DCAF8L2: variants seen among roughly 807,000 people sequenced by gnomAD.
The protein encoded by DCAF8L2 is DDB1- and CUL4-associated factor 8-like protein 2.
For synonymous variants in DCAF8L2, 200 were observed against 190.9 expected (o/e 1.05, Z -0.39); for missense variants, 430 against 490.7 (o/e 0.88, Z 1.17).
Position 27,644,725 on chromosome X carries a change from T to C in DCAF8L2, c.-220+12725T>C, listed in dbSNP as rs1170774417. ...TACAAAGAGGAACTGGTCCAAACAATTGAAAAGGAGGGACTCATCCCTAAC... is the reference window on the plus strand; with the variant it reads ...TACAAAGAGGAACTGGTCCAAACAACTGAAAAGGAGGGACTCATCCCTAAC... On this transcript the variant is annotated intron_variant, in intron 2 of 4. Coordinates refer to ENST00000451261, the MANE Select transcript of DCAF8L2 (RefSeq NM_001353450.2). Among the ~76,000 whole-genome samples the C allele has an allele frequency of 3.6e-5, 4 of 111,811 alleles. No individual in the cohort carries two copies. The South Asian group carries it at 1.5e-3, about 42-fold the overall frequency.
the DCAF8L2 span, among the ~76,000 whole-genome samples, chrX:27,557,356 T>C: frequency 1.8e-5 from 2 of 112,125 alleles, no homozygotes; most frequent in Non-Finnish European, 3.8e-5. Flanking sequence ...ATATGTTAAT[T>C]ATTTAAATTT....
chrX:27,652,839 G>T (rs1929202836), intron 2 of DCAF8L2, among the ~76,000 whole-genome samples: 1 of 111,776 alleles, frequency 8.9e-6, no homozygotes, highest in Admixed American at 9.5e-5. Flanking sequence ...GGAATTCCTG[G>T]TTAAAATACA....
rs775815150 is a variant in DCAF8L2 at position 27,747,927 on chromosome X, C to T, written c.1032C>T (p.Phe344=). ...FLTSGEDAVV[F]TIDLRQDRPA... ...CTTCAGGTGAAGATGCTGTTGTCTT[C>T]ACCATTGACCTCAGACAAGACCGGC... is the stretch of plus-strand genomic sequence containing the variant. The change falls in exon 5 of 5, where the codon TTC becomes TTT. Residue 344 remains phenylalanine, a synonymous_variant. Transcript: ENST00000451261. The T allele has an allele frequency of 7.2e-5, 87 of 1,210,129 alleles. No homozygotes were observed. The highest frequency in any genetic ancestry group is 9.3e-5 in the Non-Finnish European group (83 of 895,199).
chrX:27,624,788 A>G lies in DCAF8L2; in HGVS notation c.-341-7091A>G, dbSNP rs193131346. Among the ~76,000 whole-genome samples, 4 of 111,958 alleles carry G rather than the reference A, an allele frequency of 3.6e-5. No individual in the cohort carries two copies. The Admixed American group carries it at 3.8e-4, about 11-fold the overall frequency. Reference sequence around the variant, plus strand: ...CCTACTCAGTAAATGGTGTTGGGATAACTGGCTAGTTATATGCAGAAAATT... The same window carrying G: ...CCTACTCAGTAAATGGTGTTGGGATGACTGGCTAGTTATATGCAGAAAATT... On this transcript the variant is annotated intron_variant, in intron 1 of 4. Coordinates refer to ENST00000451261, the MANE Select transcript of DCAF8L2 (RefSeq NM_001353450.2).
the DCAF8L2 span, among the ~76,000 whole-genome samples, chrX:27,554,384 T>C: frequency 0.094 from 10,563 of 111,781 alleles, 395 homozygotes; most frequent in Non-Finnish European, 0.12. Flanking sequence ...TTTCCAACCC[T>C]GGCACATTTG....
At chrX:27,648,052 C>T (rs559189630) in intron 2 of DCAF8L2, among the ~76,000 whole-genome samples, 1 of 111,011 alleles carries the variant, frequency 9.0e-6, no homozygotes, top group Middle Eastern at 4.7e-3. Context: ...AAAAAGAATT[C>T]ACAGGCTGAC....
Position 27,747,403 on chromosome X carries a change from G to C in DCAF8L2, c.508G>C (p.Ala170Pro). The C allele has an allele frequency of 8.5e-7, 1 of 1,169,794 alleles. No homozygotes were observed. Among genetic ancestry groups the C allele is most frequent in the Non-Finnish European group, 1.1e-6 (1 of 874,303 alleles). Residue 170 changes from alanine to proline, a missense_variant, in exon 5 of 5, where the codon GCG (alanine) becomes CCG (proline). Coordinates refer to ENST00000451261, the MANE Select transcript of DCAF8L2 (RefSeq NM_001353450.2). Reference sequence around the variant, plus strand: ...GCAGTATTCGTTAGAGGAGGATCAGGCGCTGGAGGAGTGGGTTTCCTCAGA... The same window carrying C: ...GCAGTATTCGTTAGAGGAGGATCAGCCGCTGGAGGAGTGGGTTTCCTCAGA... ...HEQYSLEEDQ[A>P]LEEWVSSETS...
intron 3 of DCAF8L2, among the ~76,000 whole-genome samples, chrX:27,708,001 A>G (rs1931397063): frequency 9.0e-6 from 1 of 111,325 alleles, no homozygotes; most frequent in South Asian, 3.8e-4. Context: ...ATTTTACTTT[A>G]TTTAAAATAT....
At chrX:27,734,883 A>G (rs1186919319) in intron 4 of DCAF8L2, among the ~76,000 whole-genome samples, 4 of 111,945 alleles carry the variant, frequency 3.6e-5, no homozygotes, top group African/African-American at 9.7e-5. Flanking sequence ...CGAAAAGCAA[A>G]CACAATATAC....
rs772133919 is a variant in DCAF8L2 at position 27,652,694 on chromosome X, A to T, written c.-220+20694A>T. Among the ~76,000 whole-genome samples, 35 of 112,242 alleles carry T rather than the reference A, an allele frequency of 3.1e-4. No individual in the cohort carries two copies. The Middle Eastern group carries it at 0.028, about 89-fold the overall frequency. On this transcript the variant is annotated intron_variant, in intron 2 of 4. Coordinates refer to ENST00000451261, the MANE Select transcript of DCAF8L2 (RefSeq NM_001353450.2). Reference sequence around the variant, plus strand: ...TTCAATCAATGAAAACCCACTTCTGATATGAAATATGGTAATTGCTAAAAC... The same window carrying T: ...TTCAATCAATGAAAACCCACTTCTGTTATGAAATATGGTAATTGCTAAAAC...
intron 2 of DCAF8L2, among the ~76,000 whole-genome samples, chrX:27,635,465 A>G (rs151064184): frequency 2.7e-4 from 30 of 111,451 alleles, no homozygotes; most frequent in African/African-American, 9.1e-4. Flanking sequence ...CATTCACTGT[A>G]CTCAATTTAA....
At chrX:27,741,509 C>A (rs1921851305) in intron 4 of DCAF8L2, among the ~76,000 whole-genome samples, 1 of 108,824 alleles carries the variant, frequency 9.2e-6, no homozygotes, top group Admixed American at 9.9e-5. Context: ...GAGCAGCATC[C>A]AACCAGAATC....
intron 2 of DCAF8L2, among the ~76,000 whole-genome samples, chrX:27,639,362 C>G (rs1846001403): frequency 9.0e-6 from 1 of 111,443 alleles, no homozygotes; most frequent in African/African-American, 3.3e-5. Flanking sequence ...TGAATGAGAC[C>G]TATTTGATAG....
the DCAF8L2 span, among the ~76,000 whole-genome samples, chrX:27,523,623 A>AT: frequency 1.3e-3 from 139 of 107,540 alleles, no homozygotes; most frequent in African/African-American, 4.1e-3. Context: ...AGTGCTTGGA[A>AT]TTTTTTTTTT....
At chrX:27,573,472 T>G in the DCAF8L2 span, among the ~76,000 whole-genome samples, 1 of 111,210 alleles carries the variant, frequency 9.0e-6, no homozygotes, top group Non-Finnish European at 1.9e-5. Flanking sequence ...AGGCCCTGGA[T>G]GAATAAATAT....
the DCAF8L2 span, among the ~76,000 whole-genome samples, chrX:27,499,104 G>A: frequency 8.9e-5 from 10 of 112,153 alleles, no homozygotes; most frequent in African/African-American, 2.9e-4. Context: ...GGGACTGCTG[G>A]ATCATATGGT....
At chrX:27,564,498 GCT>G in the DCAF8L2 span, among the ~76,000 whole-genome samples, 1 of 101,546 alleles carries the variant, frequency 9.8e-6, no homozygotes, top group African/African-American at 3.6e-5. Context: ...AGGTGCACGT[GCT>G]CTCTTTCTCT....
At chrX:27,622,987 T>C (rs765788529) in intron 1 of DCAF8L2, among the ~76,000 whole-genome samples, 4 of 112,289 alleles carry the variant, frequency 3.6e-5, no homozygotes, top group Admixed American at 1.9e-4. Flanking sequence ...AACATAATTC[T>C]GTAATACTTG....
At chrX:27,631,079 G>A (rs1440625378) in intron 1 of DCAF8L2, among the ~76,000 whole-genome samples, 1 of 111,708 alleles carries the variant, frequency 9.0e-6, no homozygotes, top group Non-Finnish European at 1.9e-5. Context: ...GGGGTTACAA[G>A]GATGGTTCAA....
Sources: allele counts gnomAD v4.1 joint callset (sites outside exome capture counted in the v4.1 genomes callset), GRCh38; gene constraint gnomAD v4.1.1; transcripts MANE v1.5; gene names NCBI Gene and HGNC (gene_info 2026-07-23, HGNC 2026-07-21).